The following MAN2A1 variants were observed in gnomAD, a reference collection of about 807,000 sequenced individuals.
MAN2A1 encodes the protein alpha-mannosidase 2.
In MAN2A1, 76 loss-of-function variants were observed where a neutral mutation model predicts 142.6. The ratio of observed to expected loss-of-function variants is 0.53; its 90% confidence interval spans 0.44 to 0.65. The LOEUF (loss-of-function observed/expected upper bound fraction) is 0.65. Ranked by LOEUF, MAN2A1 falls within the 30% of genes least tolerant of loss-of-function variation. The pLI is 0.00. For synonymous variants in MAN2A1, 559 were observed against 473.2 expected (o/e 1.18, Z -2.35); for missense variants, 1,311 against 1,365.1 (o/e 0.96, Z 0.62).
intron 4 of MAN2A1, among the ~76,000 whole-genome samples, chr5:109,746,424 C>T (rs1018331074): frequency 7.2e-5 from 11 of 152,164 alleles, no homozygotes; most frequent in African/African-American, 2.7e-4. Context: ...ACTCCTGTCT[C>T]CTTGTCATTT....
At chr5:109,820,512 G>T (rs893989437) in intron 15 of MAN2A1, among the ~76,000 whole-genome samples, 170 bp downstream of exon 15, 5 of 152,152 alleles carry the variant, frequency 3.3e-5, no homozygotes, top group Admixed American at 6.5e-5. Flanking sequence ...ATTTGTAGTC[G>T]AAAGTTAGAT....
intron 16 of MAN2A1, among the ~76,000 whole-genome samples, chr5:109,832,776 C>T (rs990987240): frequency 1.1e-3 from 164 of 151,764 alleles, no homozygotes; most frequent in African/African-American, 3.3e-3. Flanking sequence ...GGGCTGCCCC[C>T]CACCTCCCTC....
At chr5:109,801,718 T>C (rs1001999202) in intron 12 of MAN2A1, among the ~76,000 whole-genome samples, 1 of 152,148 alleles carries the variant, frequency 6.6e-6, no homozygotes, top group Admixed American at 6.6e-5. Context: ...AAATCAGTAA[T>C]GGTTGTTAGA....
At position 109,817,377 on chromosome 5, in the gene MAN2A1, T is replaced by C. The variant is rs371647705; in HGVS notation, c.2048T>C (p.Val683Ala). The change falls in exon 13 of 22, where the codon GTG (valine) becomes GCG (alanine). Residue 683 changes from valine to alanine, a missense_variant. Around this residue, in one of 3 missense-constraint regions of MAN2A1, gnomAD observed 890 missense variants for 920.5 expected, o/e 0.97. Transcript: ENST00000261483. The part of the protein sequence containing the change: ...VQVFSASGKP[V>A]EVQVSAVWDT... The stretch of plus-strand genomic sequence containing the variant: ...GTGTTCTCTGCTTCAGGAAAACCTG[T>C]GGAAGTTCAAGTCAGCGCAGTTTGG... 8.1e-6 allele frequency: 13 copies of C among 1,613,998 alleles called. No homozygotes were observed. In the African/African-American group the frequency reaches 1.5e-4, roughly 18 times the overall value.
At chr5:109,784,265 GCCTCT>G (rs1202337850) in intron 9 of MAN2A1, among the ~76,000 whole-genome samples, 1 of 152,008 alleles carries the variant, frequency 6.6e-6, no homozygotes, top group East Asian at 1.9e-4. Context: ...ATTATTTTCT[GCCTCT>G]CCTCTCCTCT....
chr5:109,813,030 C>T (rs1227215246), intron 12 of MAN2A1, among the ~76,000 whole-genome samples: 2 of 152,138 alleles, frequency 1.3e-5, no homozygotes, highest in East Asian at 3.8e-4. Context: ...CTTCATTACA[C>T]AATCATAAAA....
At chr5:109,847,967 T>C (rs1313468531) in intron 19 of MAN2A1, among the ~76,000 whole-genome samples, 177 bp downstream of exon 19, 2 of 152,182 alleles carry the variant, frequency 1.3e-5, no homozygotes, top group African/African-American at 4.8e-5. Context: ...TCGTGTAAGA[T>C]TTGCACTTAG....
At chr5:109,759,954 TATATATATATAGATAGATAG>T (rs1267221710) in intron 5 of MAN2A1, among the ~76,000 whole-genome samples, 10 of 29,108 alleles carry the variant, frequency 3.4e-4, no homozygotes, top group Non-Finnish European at 6.0e-4. Flanking sequence ...TTGCTATATA[TATATATATATAGATAGATAG>T]ATAGATAGAT....
At chr5:109,711,572 G>A (rs975050626) in intron 1 of MAN2A1, among the ~76,000 whole-genome samples, 1 of 152,198 alleles carries the variant, frequency 6.6e-6, no homozygotes, top group Non-Finnish European at 1.5e-5. Context: ...ACAAAGAAGG[G>A]TGTAAAGGTT....
intron 1 of MAN2A1, among the ~76,000 whole-genome samples, chr5:109,703,265 G>T (rs947108392): frequency 2.0e-5 from 3 of 152,208 alleles, no homozygotes; most frequent in African/African-American, 7.2e-5. Flanking sequence ...CAGAACTTTT[G>T]TTAGCATATC....
At chr5:109,756,471 T>G (rs1752692921) in intron 5 of MAN2A1, among the ~76,000 whole-genome samples, 1 of 152,204 alleles carries the variant, frequency 6.6e-6, no homozygotes, top group Non-Finnish European at 1.5e-5. Context: ...CCCTTAGAGA[T>G]AAAATTCTTA....
chr5:109,853,882 G>A (rs953272590), intron 19 of MAN2A1: 4 of 151,952 alleles, frequency 2.6e-5, no homozygotes, highest in African/African-American at 9.7e-5. Context: ...TTTTTTATCA[G>A]TATCTTAATA....
intron 15 of MAN2A1, among the ~76,000 whole-genome samples, chr5:109,821,171 C>G (rs1008993057): frequency 2.4e-4 from 36 of 152,134 alleles, no homozygotes; most frequent in African/African-American, 8.4e-4. Flanking sequence ...TTCTTATTGT[C>G]TTTTATTTTA....
chr5:109,693,203 T>C (rs1043600952), intron 1 of MAN2A1, among the ~76,000 whole-genome samples: 1 of 152,154 alleles, frequency 6.6e-6, no homozygotes, highest in Non-Finnish European at 1.5e-5. Flanking sequence ...CAGAATGTCT[T>C]TGAGCTCATT....
At chr5:109,719,392 CAA>C in intron 3 of MAN2A1, among the ~76,000 whole-genome samples, 1 of 152,190 alleles carries the variant, frequency 6.6e-6, no homozygotes, top group African/African-American at 2.4e-5. Flanking sequence ...AAAATATTGA[CAA>C]ATAAATTATT....
chr5:109,729,884 C>T (rs188027816), intron 4 of MAN2A1, among the ~76,000 whole-genome samples: 8 of 152,002 alleles, frequency 5.3e-5, no homozygotes, highest in African/African-American at 1.7e-4. Context: ...TCCAACTACT[C>T]AGGAGGCTCA....
intron 12 of MAN2A1, among the ~76,000 whole-genome samples, chr5:109,807,649 A>G (rs1019346239): frequency 2.0e-5 from 3 of 152,060 alleles, no homozygotes; most frequent in Non-Finnish European, 4.4e-5. Flanking sequence ...ACCCTTGTAA[A>G]TACATTGGGC....
At chr5:109,833,666 G>A (rs1224228833) in intron 16 of MAN2A1, among the ~76,000 whole-genome samples, 11 of 148,124 alleles carry the variant, frequency 7.4e-5, no homozygotes, top group Admixed American at 7.4e-4. Context: ...GGTGGAGAGA[G>A]AGGGAGAGGG....
chr5:109,743,037 G>C (rs1320879804), intron 4 of MAN2A1, among the ~76,000 whole-genome samples: 1 of 152,178 alleles, frequency 6.6e-6, no homozygotes, highest in African/African-American at 2.4e-5. Flanking sequence ...ACTTTCTCAA[G>C]CCTCAGAGAG....
Sources: gnomAD v4.1 joint callset for allele counts (sites outside exome capture counted in the v4.1 genomes callset) on GRCh38, gnomAD v4.1.1 for gene constraint, gnomAD v4.1.1 regional missense constraint, MANE v1.5 for transcripts, NCBI Gene and HGNC (gene_info 2026-07-23, HGNC 2026-07-21) for gene names.